Variants in DNAH9 observed in about 807,000 individuals in gnomAD.
DNAH9 encodes the protein dynein axonemal heavy chain 9.
DNAH9 carries 345 observed loss-of-function variants against 471.6 expected under a neutral mutation model. That is an observed-to-expected ratio of 0.73 (90% CI 0.67 to 0.80). The LOEUF (loss-of-function observed/expected upper bound fraction) is 0.80. Ranked by LOEUF, DNAH9 falls within the 30% of genes least tolerant of loss-of-function variation. DNAH9 has a pLI of 0.00. For missense variants in DNAH9, 5,407 were observed against 5,609.2 expected, an observed-to-expected ratio of 0.96 and a Z score of 1.15; for synonymous variants, 2,093 against 2,123.6, an observed-to-expected ratio of 0.99 and a Z score of 0.40.
intron 38 of DNAH9, among the ~76,000 whole-genome samples, chr17:11,779,523 T>C (rs569669804): frequency 6.6e-6 from 1 of 152,330 alleles, no homozygotes; most frequent in East Asian, 1.9e-4. Context: ...TGGCCACTTC[T>C]TGCTAACTGA....
At chr17:11,655,351 G>GGTTGT (rs1022413518) in intron 14 of DNAH9, among the ~76,000 whole-genome samples, 1 of 147,698 alleles carries the variant, frequency 6.8e-6, no homozygotes, top group African/African-American at 2.5e-5. Flanking sequence ...AGCATTCCAT[G>GGTTGT]GTGTGTGTGT....
intron 13 of DNAH9, among the ~76,000 whole-genome samples, chr17:11,651,680 A>C (rs892667847): frequency 1.3e-5 from 2 of 152,216 alleles, no homozygotes; most frequent in Admixed American, 1.3e-4. Flanking sequence ...AAGCATCTTA[A>C]AGCAGTATGC....
intron 49 of DNAH9, among the ~76,000 whole-genome samples, chr17:11,842,065 A>G (rs774353459): frequency 2.6e-5 from 4 of 151,956 alleles, no homozygotes; most frequent in Non-Finnish European, 5.9e-5. Flanking sequence ...CCAGTCTGTT[A>G]TTTGTCCTCT....
At chr17:11,728,540 CAA>C (rs1264663846) in intron 28 of DNAH9, among the ~76,000 whole-genome samples, 2 of 8,584 alleles carry the variant, frequency 2.3e-4, no homozygotes, top group Non-Finnish European at 4.8e-4. Flanking sequence ...AAAAAAAAAA[CAA>C]AAAAAACTTG....
At chr17:11,845,990 GA>G (rs1971210777) in intron 49 of DNAH9, among the ~76,000 whole-genome samples, 1 of 151,954 alleles carries the variant, frequency 6.6e-6, no homozygotes. Context: ...TTGCTGTGCA[GA>G]AGCTCTTTAG....
chr17:11,945,808 C>T (rs1975097480), intron 67 of DNAH9, among the ~76,000 whole-genome samples: 1 of 151,988 alleles, frequency 6.6e-6, no homozygotes. Context: ...CCTGTAATCC[C>T]AGCACTTTGG....
intron 38 of DNAH9, 74 bp downstream of exon 38, chr17:11,769,403 CG>C: frequency 7.3e-7 from 1 of 1,361,058 alleles, no homozygotes; most frequent in Non-Finnish European, 1.0e-6. Context: ...TGAAGCCAAG[CG>C]TCAGGTGCCT....
chr17:11,604,451 A>G (rs1475240093), intron 1 of DNAH9, among the ~76,000 whole-genome samples: 1 of 151,978 alleles, frequency 6.6e-6, no homozygotes, highest in Non-Finnish European at 1.5e-5. Context: ...TTTGTATCTG[A>G]CACCTCCCAA....
intron 10 of DNAH9, among the ~76,000 whole-genome samples, chr17:11,642,527 G>T (rs1464726549): frequency 1.3e-5 from 2 of 152,116 alleles, no homozygotes; most frequent in African/African-American, 4.8e-5. Flanking sequence ...ACTCCAGCCT[G>T]GGCAACAAGA....
intron 53 of DNAH9, among the ~76,000 whole-genome samples, chr17:11,878,751 C>G (rs1972605668): frequency 6.6e-6 from 1 of 152,070 alleles, no homozygotes; most frequent in South Asian, 2.1e-4. Flanking sequence ...GAGGGTGTCT[C>G]ACCATATTGC....
intron 68 of DNAH9, among the ~76,000 whole-genome samples, chr17:11,968,715 T>C (rs886282046): frequency 3.3e-5 from 5 of 152,084 alleles, no homozygotes; most frequent in Non-Finnish European, 5.9e-5. Context: ...GTAGGAAAAA[T>C]TGCTCTGTAC....
In DNAH9 at chr17:11,783,519, C is replaced by T. The variant is rs183753353; in HGVS notation, c.7719-127C>T. 61 of 600,082 alleles carry T rather than the reference C, an allele frequency of 1.0e-4. 1 individual carries two copies. The highest frequency in any genetic ancestry group is 7.9e-4 in the African/African-American group (43 of 54,392). The allele number at this position is 600,082 out of a possible 1,614,324, so 37.2% of individuals were successfully genotyped here. On this transcript the variant is annotated intron_variant, in intron 39 of 68. Transcript: ENST00000262442. Reference sequence around the variant, plus strand: ...GCTCTTATCTCTTCTCAATCCCTGCCGGTGGATCTAGACTTTTTTATCACC... The same window carrying T: ...GCTCTTATCTCTTCTCAATCCCTGCTGGTGGATCTAGACTTTTTTATCACC...
chr17:11,929,840 A>AG lies in DNAH9; in HGVS notation c.11878-19dup, dbSNP rs754300576. ...CAGAGCTAAGCAGATGCCTGTATTG[A>AG]GGGGGGGCTCCTTCCTTCCCACTAG... On this transcript the variant is annotated intron_variant, in intron 62 of 68. Coordinates refer to ENST00000262442, the MANE Select transcript of DNAH9 (RefSeq NM_001372.4). 101 of 1,594,044 alleles carry AG rather than the reference A, an allele frequency of 6.3e-5. 1 individual carries two copies. In the South Asian group the frequency reaches 8.3e-4, roughly 13 times the overall value.
chr17:11,607,558 T>C (rs1211315975), intron 1 of DNAH9, among the ~76,000 whole-genome samples: 1 of 151,404 alleles, frequency 6.6e-6, no homozygotes, highest in Non-Finnish European at 1.5e-5. Flanking sequence ...TGATAAAGAG[T>C]TTTTTGTTTT....
At chr17:11,682,449 A>G (rs1377469573) in intron 19 of DNAH9, among the ~76,000 whole-genome samples, 1 of 150,540 alleles carries the variant, frequency 6.6e-6, no homozygotes, top group East Asian at 2.0e-4. Flanking sequence ...ATGGTTGCTC[A>G]CTCAGCCTGG....
intron 33 of DNAH9, among the ~76,000 whole-genome samples, chr17:11,754,981 A>G (rs1237237784): frequency 6.6e-6 from 1 of 152,130 alleles, no homozygotes; most frequent in Admixed American, 6.5e-5. Flanking sequence ...TAAGTTTTTA[A>G]TCCTCTTGAG....
intron 49 of DNAH9, among the ~76,000 whole-genome samples, chr17:11,849,196 C>A (rs1971328123): frequency 6.6e-6 from 1 of 152,112 alleles, no homozygotes; most frequent in South Asian, 2.1e-4. Context: ...TGTCCCAAAT[C>A]CAATCACTTC....
chr17:11,711,576 T>C (rs537993371), intron 26 of DNAH9, among the ~76,000 whole-genome samples: 1 of 152,008 alleles, frequency 6.6e-6, no homozygotes, highest in Non-Finnish European at 1.5e-5. Flanking sequence ...ATTTGTAGGG[T>C]AAAGCTCTGC....
intron 38 of DNAH9, among the ~76,000 whole-genome samples, chr17:11,778,683 A>C (rs532035514): frequency 2.0e-4 from 30 of 152,222 alleles, no homozygotes; most frequent in African/African-American, 6.7e-4. Context: ...AGACGGCGAA[A>C]AGAGATAACA....
Sources: allele counts gnomAD v4.1 joint callset (sites outside exome capture counted in the v4.1 genomes callset), GRCh38; gene constraint gnomAD v4.1.1; transcripts MANE v1.5; gene names NCBI Gene and HGNC (gene_info 2026-07-23, HGNC 2026-07-21).